Variants in SPON1 observed in about 807,000 individuals in gnomAD.
SPON1 encodes spondin 1.
Under a neutral mutation model 111.7 loss-of-function variants are expected in SPON1, and 52 were observed. That is an observed-to-expected ratio of 0.47 (90% CI 0.37 to 0.59). SPON1 has a LOEUF of 0.59. Ranked by LOEUF, SPON1 falls within the 20% of genes least tolerant of loss-of-function variation. The pLI, the probability that SPON1 is intolerant of heterozygous loss-of-function variation, is 0.00. For missense variants in SPON1, 957 were observed against 1,068.5 expected (o/e 0.90, Z 1.46); for synonymous variants, 410 against 395.8 (o/e 1.04, Z -0.43).
intron 6 of SPON1, among the ~76,000 whole-genome samples, chr11:14,197,425 G>A (rs184774913): frequency 1.3e-5 from 2 of 151,984 alleles, no homozygotes; most frequent in Non-Finnish European, 2.9e-5. Flanking sequence ...CATCTGGGGG[G>A]CAAATCTAGA....
intron 2 of SPON1, among the ~76,000 whole-genome samples, chr11:14,040,282 A>AGT (rs1414558381): frequency 2.0e-5 from 3 of 152,180 alleles, no homozygotes; most frequent in African/African-American, 7.2e-5. Flanking sequence ...ATAAAATGTG[A>AGT]TCTATGCATG....
chr11:14,105,912 T>C (rs1849181176), intron 5 of SPON1, among the ~76,000 whole-genome samples: 1 of 152,206 alleles, frequency 6.6e-6, no homozygotes, highest in South Asian at 2.1e-4. Context: ...ACTTTCCTTA[T>C]ATCTATCAAG....
chr11:14,166,225 A>G (rs1277692844), intron 6 of SPON1, among the ~76,000 whole-genome samples: 1 of 152,230 alleles, frequency 6.6e-6, no homozygotes, highest in African/African-American at 2.4e-5. Context: ...TCCTGTTACA[A>G]AAGGAAAGAG....
chr11:14,206,419 C>G (rs563689335), intron 6 of SPON1, among the ~76,000 whole-genome samples: 1 of 152,274 alleles, frequency 6.6e-6, no homozygotes, highest in South Asian at 2.1e-4. Flanking sequence ...TCTCGAACTC[C>G]TGACCTCGTG....
At chr11:14,069,180 A>C (rs1310639280) in intron 3 of SPON1, among the ~76,000 whole-genome samples, 1 of 152,178 alleles carries the variant, frequency 6.6e-6, no homozygotes, top group African/African-American at 2.4e-5. Flanking sequence ...CCTAGGAGTC[A>C]GTTCCCTTAC....
rs1443145563 is a variant in SPON1, at chr11:14,079,836, A to T, written c.554-63A>T. ...GTTAAGGATAAAATGAGACCATGAT[A>T]GCACCACCTTATATACAACCCACGT... is the stretch of plus-strand genomic sequence containing the variant. On this transcript the variant is annotated intron_variant, in intron 4 of 15. Transcript: ENST00000576479. 2.5e-6 allele frequency: 4 copies of T among 1,585,930 alleles called. No homozygotes were observed. In the East Asian group the frequency reaches 9.0e-5, roughly 36 times the overall value.
At chr11:14,052,310 T>C (rs1273787501) in intron 3 of SPON1, among the ~76,000 whole-genome samples, 2 of 152,224 alleles carry the variant, frequency 1.3e-5, no homozygotes, top group African/African-American at 4.8e-5. Context: ...TAACTCTTTT[T>C]ATCTTCAAAG....
chr11:14,146,509 C>T (rs1485632279), intron 6 of SPON1, among the ~76,000 whole-genome samples: 1 of 151,902 alleles, frequency 6.6e-6, no homozygotes, highest in Admixed American at 6.5e-5. Flanking sequence ...GATAAGAAAC[C>T]AAATATTCCC....
intron 5 of SPON1, among the ~76,000 whole-genome samples, chr11:14,097,749 C>T (rs1452207086): frequency 5.9e-5 from 9 of 152,074 alleles, no homozygotes. Flanking sequence ...CACTGCACTC[C>T]AGCCCAGGCA....
chr11:13,998,331 G>A (rs1218034549), intron 2 of SPON1, among the ~76,000 whole-genome samples: 1 of 152,208 alleles, frequency 6.6e-6, no homozygotes, highest in Non-Finnish European at 1.5e-5. Flanking sequence ...GTATGGGAGA[G>A]ACAAGACAGA....
chr11:14,222,586 G>A (rs1848692735), intron 6 of SPON1, among the ~76,000 whole-genome samples: 1 of 152,132 alleles, frequency 6.6e-6, no homozygotes. Context: ...CACTGCCCAT[G>A]AACCTGGATG....
chr11:14,144,518 T>C (rs1446981590), intron 6 of SPON1, among the ~76,000 whole-genome samples: 1 of 151,860 alleles, frequency 6.6e-6, no homozygotes, highest in Non-Finnish European at 1.5e-5. Flanking sequence ...TAATCCCAGC[T>C]ACTCAGGAGG....
At chr11:14,252,979 A>G (rs782666244) in intron 7 of SPON1, among the ~76,000 whole-genome samples, 1 of 152,238 alleles carries the variant, frequency 6.6e-6, no homozygotes, top group Non-Finnish European at 1.5e-5. Context: ...CACTTTTCCA[A>G]TCACTGAAGA....
At chr11:14,190,787 C>A (rs1474776161) in intron 6 of SPON1, among the ~76,000 whole-genome samples, 13 of 151,644 alleles carry the variant, frequency 8.6e-5, no homozygotes, top group East Asian at 5.8e-4. Flanking sequence ...ATTAAAGGGG[C>A]CCGCCACCGT....
chr11:14,238,866 A>G (rs1345313842), intron 6 of SPON1, among the ~76,000 whole-genome samples: 1 of 152,196 alleles, frequency 6.6e-6, no homozygotes, highest in African/African-American at 2.4e-5. Context: ...AAGTGTTGGC[A>G]TCATCCAAAT....
chr11:13,991,021 A>G (rs1032556826), intron 2 of SPON1, among the ~76,000 whole-genome samples: 1 of 152,046 alleles, frequency 6.6e-6, no homozygotes, highest in South Asian at 2.1e-4. Flanking sequence ...CCTTCATTTT[A>G]ACCTTGGTGA....
intron 6 of SPON1, among the ~76,000 whole-genome samples, chr11:14,187,411 C>T (rs1436236380): frequency 6.6e-6 from 1 of 152,154 alleles, no homozygotes; most frequent in Non-Finnish European, 1.5e-5. Context: ...ATGACAAAGC[C>T]TCTTATTGCC....
chr11:14,131,505 A>G (rs79350887), intron 5 of SPON1, among the ~76,000 whole-genome samples: 3,307 of 151,974 alleles, frequency 0.022, 123 homozygotes, highest in African/African-American at 0.075. Context: ...ATCTCTAGGC[A>G]CCCTCCTTCC....
chr11:14,077,321 AAT>A (rs1408459859), intron 4 of SPON1, among the ~76,000 whole-genome samples: 2 of 152,236 alleles, frequency 1.3e-5, no homozygotes, highest in East Asian at 3.8e-4. Context: ...AAAGGCAAAC[AAT>A]AGTTTTAAAA....
Sources: allele counts gnomAD v4.1 joint callset (sites outside exome capture counted in the v4.1 genomes callset), GRCh38; gene constraint gnomAD v4.1.1; transcripts MANE v1.5; gene names NCBI Gene and HGNC (gene_info 2026-07-23, HGNC 2026-07-21).